The following TRIM13 variants were observed in gnomAD, a reference collection of about 807,000 sequenced individuals.
TRIM13 encodes the protein tripartite motif containing 13.
A neutral mutation model predicts 27.1 loss-of-function variants in TRIM13; 15 were observed. The ratio of observed to expected loss-of-function variants is 0.55; its 90% CI spans 0.37 to 0.85. TRIM13 has a LOEUF of 0.85. Among genes scored for constraint, TRIM13 ranks in the 40% least tolerant of loss-of-function variants. The pLI is 0.00. For synonymous variants in TRIM13, 193 were observed against 171.5 expected (o/e 1.13, Z -0.98); for missense variants, 402 against 472.2 (o/e 0.85, Z 1.38).
intron 1 of TRIM13, among the ~76,000 whole-genome samples, chr13:50,003,797 AAAAAT>A (rs1344892014): frequency 6.6e-6 from 1 of 152,194 alleles, no homozygotes; most frequent in Non-Finnish European, 1.5e-5. Context: ...CAACTTTGTT[AAAAAT>A]AAAACTGTAA....
intron 1 of TRIM13, among the ~76,000 whole-genome samples, chr13:50,004,687 C>T (rs1357459530): frequency 6.6e-6 from 1 of 151,794 alleles, no homozygotes; most frequent in Non-Finnish European, 1.5e-5. Flanking sequence ...TTGCTTGAGC[C>T]TAGGAGGCAG....
chr13:50,000,680 C>T (rs1461239572), intron 1 of TRIM13, among the ~76,000 whole-genome samples: 2 of 152,112 alleles, frequency 1.3e-5, no homozygotes, highest in African/African-American at 4.8e-5. Context: ...GGAATAAAGA[C>T]ACCAAAATAA....
At position 50,017,363 on chromosome 13, in the gene TRIM13, C is replaced by T. The variant is rs1336822859; in HGVS notation, c.*4199C>T. The T allele has an allele frequency of 6.0e-6, 1 of 166,992 alleles. No individual in the cohort carries two copies. The highest frequency in any genetic ancestry group is 2.4e-5 in the African/African-American group (1 of 41,430). The allele number at this position is 166,992 out of a possible 1,614,324, so 10.3% of individuals were successfully genotyped here. A position where few individuals can be genotyped will look rare whatever the true frequency, so the allele number is the denominator to read the frequency against. On this transcript the variant is annotated 3_prime_UTR_variant, in exon 2 of 2. Transcript: ENST00000378182. ...GAAATACGAAGTACTCTTTAAAAAC[C>T]ATGCATTTGGAGAAAGTAATTGTTT...
chr13:49,998,581 C>A (rs551056939), intron 1 of TRIM13, among the ~76,000 whole-genome samples: 1 of 151,758 alleles, frequency 6.6e-6, no homozygotes, highest in African/African-American at 2.4e-5. Flanking sequence ...GGAATTCTCA[C>A]ACATCACACA....
chr13:50,012,914 G>A lies in TRIM13; in HGVS notation c.974G>A (p.Gly325Asp), dbSNP rs746696634. ...TTATTTTTGCTAATCCTTCTGCTTG[G>A]CCTTGTCATTGTCTTTGGTCCTACC... ...YKLFLLILLL[G>D]LVIVFGPTMF... The change falls in exon 2 of 2, where the codon GGC becomes GAC. Residue 325 changes from glycine (G) to aspartate (D), a missense_variant. Transcript: ENST00000378182. 3.7e-6 allele frequency: 6 copies of A among 1,613,670 alleles called. No individual in the cohort carries two copies. Among genetic ancestry groups the A allele is most frequent in the African/African-American group, 1.3e-5 (1 of 74,822 alleles).
At chr13:50,003,168 C>T (rs1874261235) in intron 1 of TRIM13, among the ~76,000 whole-genome samples, 1 of 152,080 alleles carries the variant, frequency 6.6e-6, no homozygotes. Flanking sequence ...TTCAGTAAAG[C>T]TTAGCATAAT....
chr13:50,015,727 C>T lies in TRIM13; in HGVS notation c.*2563C>T. The T allele has an allele frequency of 6.2e-7, 1 of 1,614,010 alleles. No homozygotes were observed. Among genetic ancestry groups the T allele is most frequent in the Admixed American group, 1.7e-5 (1 of 60,018 alleles). ...TTTTATTACCCACTGAATTTTCAGA[C>T]TATCTTAGGCTTCAGAGAGAGGCTC... On this transcript the variant is annotated 3_prime_UTR_variant, in exon 2 of 2. Coordinates refer to ENST00000378182, the MANE Select transcript of TRIM13 (RefSeq NM_213590.3).
intron 1 of TRIM13, among the ~76,000 whole-genome samples, chr13:50,004,572 G>A (rs764749283): frequency 7.9e-5 from 12 of 152,050 alleles, no homozygotes; most frequent in Non-Finnish European, 1.3e-4. Context: ...AGACCAGCCC[G>A]GCCAACATAA....
Position 50,014,313 on chromosome 13 carries a change from C to CAAAAAAAAAAAA in TRIM13, c.*1170_*1181dup, listed in dbSNP as rs1173935698. On this transcript the variant is annotated 3_prime_UTR_variant, in exon 2 of 2. Transcript: ENST00000378182. ...AAACATAGCAAGACCCAGTCTCTAC[C>CAAAAAAAAAAAA]AAAAAAAAAAAAAAAAAAAAAAAAA... The CAAAAAAAAAAAA allele has an allele frequency of 5.2e-5, 1 of 19,294 alleles. No individual in the cohort carries two copies. The highest frequency in any genetic ancestry group is 1.6e-4 in the African/African-American group (1 of 6,390). 1.2% of individuals were successfully genotyped at this position (19,294 alleles called of 1,614,324 possible).
At chr13:49,999,532 C>T (rs1649488382) in intron 1 of TRIM13, among the ~76,000 whole-genome samples, 1 of 152,138 alleles carries the variant, frequency 6.6e-6, no homozygotes, top group African/African-American at 2.4e-5. Context: ...GAGGTAAATA[C>T]TATAAAAATC....
chr13:50,001,543 T>C (rs1169048997), intron 1 of TRIM13, among the ~76,000 whole-genome samples: 1 of 152,192 alleles, frequency 6.6e-6, no homozygotes, highest in Non-Finnish European at 1.5e-5. Context: ...GCTAGAAATA[T>C]CTTGGAAATT....
At chr13:49,999,832 A>C (rs1442378905) in intron 1 of TRIM13, among the ~76,000 whole-genome samples, 1 of 151,850 alleles carries the variant, frequency 6.6e-6, no homozygotes, top group African/African-American at 2.4e-5. Context: ...TTATGATTAA[A>C]CCCCTTCATT....
At chr13:49,998,918 A>G (rs915828541) in intron 1 of TRIM13, among the ~76,000 whole-genome samples, 4 of 145,704 alleles carry the variant, frequency 2.7e-5, no homozygotes, top group Admixed American at 6.8e-5. Flanking sequence ...CAACAGAGCG[A>G]GACTCTACCA....
At position 50,013,117 on chromosome 13, in the gene TRIM13, G is replaced by A; in HGVS notation, c.1177G>A (p.Val393Ile). 6.2e-7 allele frequency: 1 copy of A among 1,606,458 alleles called. No homozygotes were observed. Among genetic ancestry groups the A allele is most frequent in the Non-Finnish European group, 8.5e-7 (1 of 1,177,062 alleles). Residue 393 changes from valine to isoleucine, a missense_variant, in exon 2 of 2, where the codon GTA (valine) becomes ATA (isoleucine). By Grantham distance (29) the Val-to-Ile change is conservative. Coordinates refer to ENST00000378182, the MANE Select transcript of TRIM13 (RefSeq NM_213590.3). ...AAGATTCAAGAATTTTACTTTGGTG[G>A]TACTGAACAATGTGGCAGAATTTGT... ...NERFKNFTLV[V>I]LNNVAEFVCK...
intron 1 of TRIM13, among the ~76,000 whole-genome samples, chr13:49,998,202 C>CT (rs1436936728): frequency 1.3e-5 from 2 of 152,178 alleles, no homozygotes; most frequent in African/African-American, 4.8e-5. Context: ...ATACTTCCTT[C>CT]TTGCACAATG....
intron 1 of TRIM13, among the ~76,000 whole-genome samples, chr13:49,998,771 A>G (rs1435420238): frequency 1.3e-5 from 2 of 152,042 alleles, no homozygotes; most frequent in African/African-American, 4.8e-5. Context: ...TTTACTAACA[A>G]TACAAAAATT....
chr13:50,004,155 A>G (rs970891779), intron 1 of TRIM13, among the ~76,000 whole-genome samples: 4 of 152,304 alleles, frequency 2.6e-5, no homozygotes, highest in African/African-American at 7.2e-5. Context: ...TTTGACTTCT[A>G]TATTAGGAAA....
At chr13:50,001,597 A>G (rs538964264) in intron 1 of TRIM13, among the ~76,000 whole-genome samples, 121 of 150,846 alleles carry the variant, frequency 8.0e-4, no homozygotes, top group African/African-American at 2.9e-3. Context: ...AAGGTTGGTT[A>G]CTTACTGTCT....
chr13:50,018,416 C>G lies in TRIM13; in HGVS notation c.*5252C>G, dbSNP rs1248892098. 1 of 166,346 alleles carries G rather than the reference C, an allele frequency of 6.0e-6. No individual in the cohort carries two copies. Among genetic ancestry groups the G allele is most frequent in the African/African-American group, 2.4e-5 (1 of 41,424 alleles). The allele number at this position is 166,346 out of a possible 1,614,324, so 10.3% of individuals were successfully genotyped here. ...GCTTGGGGGTAAGTGGAATGATTTG[C>G]TAATATTGAGAATCTGTTGTATCAA... On this transcript the variant is annotated 3_prime_UTR_variant, in exon 2 of 2. Transcript: ENST00000378182.
Sources: gnomAD v4.1 joint callset for allele counts (sites outside exome capture counted in the v4.1 genomes callset) on GRCh38, gnomAD v4.1.1 for gene constraint, MANE v1.5 for transcripts, NCBI Gene and HGNC (gene_info 2026-07-23, HGNC 2026-07-21) for gene names.